ATF7: variants seen among roughly 807,000 people sequenced by gnomAD.
ATF7 encodes the protein cyclic AMP-dependent transcription factor ATF-7.
A neutral mutation model predicts 50.4 loss-of-function variants in ATF7; 10 were observed. The observed-to-expected ratio is 0.20, with a 90% confidence interval of 0.12 to 0.34. The LOEUF (loss-of-function observed/expected upper bound fraction) is 0.34. ATF7 is among the 10% of genes least tolerant of loss of function. ATF7 has a pLI of 1.00. For synonymous variants in ATF7, 201 were observed against 226.4 expected, an observed-to-expected ratio of 0.89 and a Z score of 1.01; for missense variants, 465 against 613.9, an observed-to-expected ratio of 0.76 and a Z score of 2.56.
At chr12:53,609,081 G>A in intron 1 of ATF7, among the ~76,000 whole-genome samples, 1 of 151,994 alleles carries the variant, frequency 6.6e-6, no homozygotes. Context: ...GAGGTCAGAG[G>A]ACAGCTTGAG....
In ATF7 at chr12:53,618,127, C is replaced by T. The variant is rs1336928386; in HGVS notation, c.-22+8152G>A. Among the ~76,000 whole-genome samples the T allele has an allele frequency of 4.6e-5, 7 of 152,182 alleles. No individual in the cohort carries two copies. In the South Asian group the frequency reaches 6.2e-4, roughly 14 times the overall value. ...TTAGCTCAAAGGAGTTATTATTTCTCGTCATTTATGTTCCTTACTTGTGTT... is the reference window on the plus strand; with the variant it reads ...TTAGCTCAAAGGAGTTATTATTTCTTGTCATTTATGTTCCTTACTTGTGTT... On this transcript the variant is annotated intron_variant, in intron 1 of 11. Coordinates refer to ENST00000420353, the MANE Select transcript of ATF7 (RefSeq NM_006856.3).
At chr12:53,526,897 G>A (rs957739699) in intron 9 of ATF7, among the ~76,000 whole-genome samples, 2 of 147,660 alleles carry the variant, frequency 1.4e-5, no homozygotes, top group African/African-American at 5.0e-5. Context: ...CGTGGCTCAC[G>A]CCTGTAATCC....
intron 2 of ATF7, among the ~76,000 whole-genome samples, chr12:53,594,648 G>A (rs1173532803): frequency 6.6e-6 from 1 of 152,164 alleles, no homozygotes; most frequent in Non-Finnish European, 1.5e-5. Flanking sequence ...AGCACTTTGG[G>A]AGGCTGAGGC....
intron 2 of ATF7, among the ~76,000 whole-genome samples, chr12:53,577,240 G>T (rs1375186552): frequency 6.6e-6 from 1 of 151,958 alleles, no homozygotes; most frequent in Non-Finnish European, 1.5e-5. Context: ...AGGCAACATA[G>T]TGACATAGTA....
chr12:53,542,439 AAGAG>A (rs1939628659), intron 4 of ATF7, among the ~76,000 whole-genome samples: 1 of 151,618 alleles, frequency 6.6e-6, no homozygotes, highest in Middle Eastern at 3.4e-3. Context: ...AAAAAAAAAA[AAGAG>A]AGAGATAGGG....
intron 2 of ATF7, among the ~76,000 whole-genome samples, chr12:53,581,774 C>G (rs79457783): frequency 1.2e-4 from 18 of 151,380 alleles, no homozygotes; most frequent in African/African-American, 4.1e-4. Flanking sequence ...CCTTAGAAAA[C>G]TAGGGGGAAA....
At chr12:53,611,944 T>C (rs181989340) in intron 1 of ATF7, among the ~76,000 whole-genome samples, 1 of 151,054 alleles carries the variant, frequency 6.6e-6, no homozygotes, top group Non-Finnish European at 1.5e-5. Flanking sequence ...GAATATGTTG[T>C]GATATGTGAA....
intron 2 of ATF7, 91 bp downstream of exon 2, chr12:53,600,862 A>T: frequency 1.5e-6 from 2 of 1,315,874 alleles, no homozygotes; most frequent in Non-Finnish European, 2.1e-6. Flanking sequence ...TGATCACGTA[A>T]AATACTGGCT....
At chr12:53,519,517 C>G (rs1337760212) in intron 11 of ATF7, among the ~76,000 whole-genome samples, 3 of 151,950 alleles carry the variant, frequency 2.0e-5, no homozygotes, top group South Asian at 4.2e-4. Flanking sequence ...GCCTGGGGAA[C>G]ATGGTGAAAC....
At chr12:53,587,185 G>A (rs536426755) in intron 2 of ATF7, among the ~76,000 whole-genome samples, 9 of 151,788 alleles carry the variant, frequency 5.9e-5, no homozygotes, top group Non-Finnish European at 1.3e-4. Context: ...TGGCCAACAT[G>A]GTGAAAACCC....
At chr12:53,551,458 G>C (rs1940347915) in intron 3 of ATF7, among the ~76,000 whole-genome samples, 1 of 151,766 alleles carries the variant, frequency 6.6e-6, no homozygotes, top group Non-Finnish European at 1.5e-5. Flanking sequence ...CACCACACCT[G>C]ATCTTCCCCC....
chr12:53,611,225 T>A (rs1943865263), intron 1 of ATF7, among the ~76,000 whole-genome samples: 1 of 152,114 alleles, frequency 6.6e-6, no homozygotes. Context: ...AATCCCGGCA[T>A]TTTGGGAGGC....
At chr12:53,554,556 C>G (rs1940589753) in intron 2 of ATF7, among the ~76,000 whole-genome samples, 1 of 151,836 alleles carries the variant, frequency 6.6e-6, no homozygotes, top group Non-Finnish European at 1.5e-5. Context: ...CCACTGTACT[C>G]CAGTGAGACC....
chr12:53,558,979 G>C (rs79498792), intron 2 of ATF7, among the ~76,000 whole-genome samples: 10,168 of 152,098 alleles, frequency 0.067, 498 homozygotes, highest in East Asian at 0.19. Context: ...AATGAACAGA[G>C]CTAAGTAAAG....
intron 1 of ATF7, among the ~76,000 whole-genome samples, chr12:53,618,632 C>T (rs1006039248): frequency 3.1e-4 from 47 of 152,188 alleles, no homozygotes; most frequent in Non-Finnish European, 4.1e-4. Flanking sequence ...TTGTAGCACC[C>T]TTCACCTACA....
intron 2 of ATF7, chr12:53,574,815 C>A: frequency 3.8e-6 from 1 of 262,762 alleles, no homozygotes. Context: ...TAGCCAGGCC[C>A]AAATGGGAAA....
At chr12:53,519,897 CCA>C (rs2137319808) in intron 11 of ATF7, among the ~76,000 whole-genome samples, 1 of 152,212 alleles carries the variant, frequency 6.6e-6, no homozygotes, top group East Asian at 1.9e-4. Flanking sequence ...CAGATGCACG[CCA>C]CCATGCCTGG....
intron 2 of ATF7, among the ~76,000 whole-genome samples, chr12:53,589,000 T>C (rs1436090200): frequency 6.6e-6 from 1 of 152,170 alleles, no homozygotes; most frequent in African/African-American, 2.4e-5. Flanking sequence ...CTCTCTGGTA[T>C]GGCAGCTAGA....
At chr12:53,529,710 T>TACACAC (rs796404325) in intron 9 of ATF7, among the ~76,000 whole-genome samples, 27 of 132,246 alleles carry the variant, frequency 2.0e-4, no homozygotes, top group Non-Finnish European at 2.9e-4. Flanking sequence ...TATATACACA[T>TACACAC]ACACACACAC....
Sources: gnomAD v4.1 joint callset for allele counts (sites outside exome capture counted in the v4.1 genomes callset) on GRCh38, gnomAD v4.1.1 for gene constraint, MANE v1.5 for transcripts, NCBI Gene and HGNC (gene_info 2026-07-23, HGNC 2026-07-21) for gene names.